The following PDE7A variants were observed in gnomAD, a reference collection of about 807,000 sequenced individuals.
PDE7A encodes the protein high affinity 3',5'-cyclic-AMP phosphodiesterase 7A.
PDE7A carries 39 observed loss-of-function variants against 64.3 expected under a neutral mutation model. That is an observed-to-expected ratio of 0.61 (90% CI 0.47 to 0.79). The LOEUF (loss-of-function observed/expected upper bound fraction) is 0.79, where lower values mean the gene tolerates loss of function less well. Ranked by LOEUF, PDE7A falls within the 30% of genes least tolerant of loss-of-function variation. PDE7A has a pLI of 0.00. For missense variants in PDE7A, 470 were observed against 582.8 expected, an observed-to-expected ratio of 0.81 and a Z score of 1.99; for synonymous variants, 203 against 206.8, an observed-to-expected ratio of 0.98 and a Z score of 0.16.
In PDE7A at chr8:65,724,415, C is replaced by G. The variant is rs1011121362; in HGVS notation, c.1066-64G>C. The G allele has an allele frequency of 8.8e-5, 94 of 1,063,244 alleles. 1 individual carries two copies. The highest frequency in any genetic ancestry group is 1.2e-4 in the Non-Finnish European group (87 of 698,616). The allele number at this position is 1,063,244 out of a possible 1,614,324, so 65.9% of individuals were successfully genotyped here. A position where few individuals can be genotyped will look rare whatever the true frequency, so the allele number is the denominator to read the frequency against. On this transcript the variant is annotated intron_variant, in intron 10 of 12. Coordinates refer to ENST00000401827, the MANE Select transcript of PDE7A (RefSeq NM_001242318.3). ...CACACTTGACAATAATACCAAAGAA[C>G]CAAGTGCAAGGACTGGATTAACCAT...
At position 65,747,750 on chromosome 8, in the gene PDE7A, T is replaced by G; in HGVS notation, c.337A>C (p.Ser113Arg). ...GAAGATCTAAGATATCGCTGGAAAC[T>G]TAGTAGCCTTCTGATATTCCTTGCA... ...VSARNIRRLL[S>R]FQRYLRSSRF... The change falls in exon 4 of 13, where the codon AGT becomes CGT. Residue 113 changes from serine (S) to arginine (R), a missense_variant. By Grantham distance (110) the Ser-to-Arg change is moderately radical. Transcript: ENST00000401827. The G allele has an allele frequency of 6.2e-7, 1 of 1,610,462 alleles. No individual in the cohort carries two copies. Among genetic ancestry groups the G allele is most frequent in the Non-Finnish European group, 8.5e-7 (1 of 1,176,946 alleles).
At chr8:65,812,078 G>T (rs1192730181) in intron 1 of PDE7A, among the ~76,000 whole-genome samples, 3 of 152,056 alleles carry the variant, frequency 2.0e-5, no homozygotes, top group African/African-American at 7.2e-5. Context: ...AGAGTGGCAT[G>T]TGTCTGTGGT....
chr8:65,747,033 A>C (rs1807703867), intron 4 of PDE7A, among the ~76,000 whole-genome samples: 1 of 152,218 alleles, frequency 6.6e-6, no homozygotes, highest in South Asian at 2.1e-4. Context: ...TCAGTAAGAC[A>C]TTTCTTTTAA....
intron 1 of PDE7A, among the ~76,000 whole-genome samples, chr8:65,827,893 A>C (rs190102969): frequency 2.6e-4 from 40 of 152,284 alleles, no homozygotes; most frequent in African/African-American, 9.6e-4. Flanking sequence ...TAAGCGACAC[A>C]TGACTCTACT....
chr8:65,745,723 C>T (rs948756213), intron 4 of PDE7A, among the ~76,000 whole-genome samples: 8 of 152,194 alleles, frequency 5.3e-5, no homozygotes, highest in Non-Finnish European at 8.8e-5. Context: ...TGTTTCCCAG[C>T]TTATTGCTAC....
intron 1 of PDE7A, among the ~76,000 whole-genome samples, chr8:65,820,164 G>A (rs1349815598): frequency 6.6e-6 from 1 of 152,368 alleles, no homozygotes; most frequent in Non-Finnish European, 1.5e-5. Flanking sequence ...GGGAGGCCGA[G>A]GCAGGTGGAT....
At chr8:65,832,729 C>A (rs755494866) in intron 1 of PDE7A, among the ~76,000 whole-genome samples, 2 of 152,054 alleles carry the variant, frequency 1.3e-5, no homozygotes, top group Non-Finnish European at 2.9e-5. Flanking sequence ...TTCAAGCAAC[C>A]CTCCCACCTA....
chr8:65,733,624 G>GAA (rs1188600241), intron 7 of PDE7A, among the ~76,000 whole-genome samples: 1 of 149,364 alleles, frequency 6.7e-6, no homozygotes, highest in Non-Finnish European at 1.5e-5. Flanking sequence ...GTCTCTTAGA[G>GAA]AAAAAAAAAC....
intron 3 of PDE7A, among the ~76,000 whole-genome samples, chr8:65,764,708 T>A (rs373274958): frequency 2.0e-5 from 3 of 152,232 alleles, no homozygotes; most frequent in East Asian, 3.9e-4. Context: ...TTAAGAAACA[T>A]CTTCTTTCAT....
chr8:65,750,502 G>C (rs1563487052), intron 3 of PDE7A, among the ~76,000 whole-genome samples: 3 of 143,706 alleles, frequency 2.1e-5, no homozygotes, highest in African/African-American at 8.4e-5. Context: ...GTGTGTGTGT[G>C]TCTGTGTGTG....
chr8:65,758,828 C>G (rs575106282), intron 3 of PDE7A, among the ~76,000 whole-genome samples: 3 of 152,266 alleles, frequency 2.0e-5, no homozygotes, highest in African/African-American at 7.2e-5. Context: ...AAGCAAAGCC[C>G]AATCCAGAAT....
In PDE7A at chr8:65,757,601, TTTTTG is replaced by T. The variant is rs368448878; in HGVS notation, c.284-9803_284-9799del. ...TGTTGTCTCTTGCTCCAAGACTTTG[TTTTTG>T]TTTTGTTTTGTTTTGTTTTGTTTGT... On this transcript the variant is annotated intron_variant, in intron 3 of 12. Transcript: ENST00000401827. 5.5e-3 allele frequency among the ~76,000 whole-genome samples: 812 copies of T among 148,670 alleles called. 5 individuals carry two copies. Among genetic ancestry groups the T allele is most frequent in the African/African-American group, 0.018 (745 of 41,416 alleles).
Position 65,752,326 on chromosome 8 carries a change from T to G in PDE7A, c.284-4523A>C, listed in dbSNP as rs13250218. Reference sequence around the variant, plus strand: ...GTTATCTATTTGCTTGTGTTCATACTCTAGTAGTATCCTTAAGTGCTCATG... The same window carrying G: ...GTTATCTATTTGCTTGTGTTCATACGCTAGTAGTATCCTTAAGTGCTCATG... On this transcript the variant is annotated intron_variant, in intron 3 of 12. Coordinates refer to ENST00000401827, the MANE Select transcript of PDE7A (RefSeq NM_001242318.3). Among the ~76,000 whole-genome samples the G allele has an allele frequency of 2.9e-3, 448 of 152,350 alleles. 2 individuals carry two copies. Among genetic ancestry groups the G allele is most frequent in the Non-Finnish European group, 4.5e-3 (304 of 68,034 alleles).
intron 1 of PDE7A, among the ~76,000 whole-genome samples, chr8:65,824,484 G>A (rs965662908): frequency 1.0e-3 from 157 of 152,268 alleles, no homozygotes; most frequent in African/African-American, 3.6e-3. Flanking sequence ...TCTGCCTGTG[G>A]ATAAAAATGC....
chr8:65,813,812 T>G (rs577893443), intron 1 of PDE7A, among the ~76,000 whole-genome samples: 14 of 152,314 alleles, frequency 9.2e-5, no homozygotes, highest in African/African-American at 3.4e-4. Context: ...TTTAATCGTC[T>G]GGTAGTCAAA....
chr8:65,727,335 T>C (rs564203506), intron 7 of PDE7A, 34 bp from the exon 8 acceptor site: 10 of 1,611,656 alleles, frequency 6.2e-6, no homozygotes, highest in East Asian at 4.5e-5. Context: ...GAATCACAGA[T>C]ATATCTAAAA....
rs1806236628 is a variant in PDE7A, at chr8:65,718,497, G to A, written c.*793C>T. On this transcript the variant is annotated 3_prime_UTR_variant, in exon 13 of 13. Coordinates refer to ENST00000401827, the MANE Select transcript of PDE7A (RefSeq NM_001242318.3). ...TACAGTAGTGAAAACAACATGCAAT[G>A]TCTTCACTGCAGAATCATAATACAG... is the stretch of plus-strand genomic sequence containing the variant. 2 of 152,210 alleles carry A rather than the reference G, an allele frequency of 1.3e-5. No homozygotes were observed. The highest frequency in any genetic ancestry group is 4.8e-5 in the African/African-American group (2 of 41,438). The allele number at this position is 152,210 out of a possible 1,614,324, so 9.4% of individuals were successfully genotyped here.
At chr8:65,729,675 T>C (rs1409800204) in intron 7 of PDE7A, among the ~76,000 whole-genome samples, 1 of 151,718 alleles carries the variant, frequency 6.6e-6, no homozygotes, top group East Asian at 1.9e-4. Context: ...TCGATTCTCT[T>C]ACTCAGGCTC....
intron 1 of PDE7A, among the ~76,000 whole-genome samples, chr8:65,794,358 T>C (rs1295776785): frequency 1.3e-5 from 2 of 151,670 alleles, no homozygotes; most frequent in Non-Finnish European, 2.9e-5. Context: ...AAAACTACTA[T>C]GGCAACTAAG....
Sources: gnomAD v4.1 joint callset for allele counts (sites outside exome capture counted in the v4.1 genomes callset) on GRCh38, gnomAD v4.1.1 for gene constraint, MANE v1.5 for transcripts, NCBI Gene and HGNC (gene_info 2026-07-23, HGNC 2026-07-21) for gene names.